The following TADA2A variants were observed in gnomAD, a reference collection of about 807,000 sequenced individuals.
TADA2A encodes the protein transcriptional adapter 2-alpha.
A neutral mutation model predicts 67.4 loss-of-function variants in TADA2A; 38 were observed. The ratio of observed to expected loss-of-function variants is 0.56; its 90% CI spans 0.44 to 0.74. TADA2A has a LOEUF of 0.74. TADA2A is among the 30% of genes least tolerant of loss of function. The pLI, the probability that TADA2A is intolerant of heterozygous loss-of-function variation, is 0.00. For missense variants in TADA2A, 454 were observed against 547.0 expected, an observed-to-expected ratio of 0.83 and a Z score of 1.70; for synonymous variants, 192 against 181.6, an observed-to-expected ratio of 1.06 and a Z score of -0.46.
intron 8 of TADA2A, among the ~76,000 whole-genome samples, chr17:37,448,422 C>T (rs777893942): frequency 1.3e-5 from 2 of 152,118 alleles, no homozygotes; most frequent in South Asian, 2.1e-4. Flanking sequence ...AAGGAAGTTC[C>T]GTGATCCCTA....
At chr17:37,455,224 C>T (rs768526111) in intron 8 of TADA2A, among the ~76,000 whole-genome samples, 21 of 151,610 alleles carry the variant, frequency 1.4e-4, no homozygotes, top group Non-Finnish European at 2.9e-4. Flanking sequence ...TTTAATGTAG[C>T]ATAGTGCCAA....
At chr17:37,437,327 G>A (rs777941576) in intron 4 of TADA2A, among the ~76,000 whole-genome samples, 7 of 151,590 alleles carry the variant, frequency 4.6e-5, no homozygotes, top group Admixed American at 6.6e-5. Flanking sequence ...TCCTGACCTC[G>A]TGATCCGCCC....
intron 6 of TADA2A, among the ~76,000 whole-genome samples, chr17:37,441,777 G>C (rs200556497): frequency 1.3e-5 from 2 of 150,888 alleles, no homozygotes; most frequent in Admixed American, 6.6e-5. Context: ...AACGATTCTC[G>C]TGCCTCAGCC....
chr17:37,443,357 G>A (rs1489049445), intron 7 of TADA2A, among the ~76,000 whole-genome samples: 8 of 151,670 alleles, frequency 5.3e-5, no homozygotes, highest in East Asian at 1.9e-4. Context: ...GGGTTCAAGC[G>A]ATTCTCCTGT....
At chr17:37,446,083 G>C (rs1354733940) in intron 8 of TADA2A, among the ~76,000 whole-genome samples, 1 of 137,480 alleles carries the variant, frequency 7.3e-6, no homozygotes, top group Non-Finnish European at 1.5e-5. Context: ...TTCTTGAGCG[G>C]TGGGTTTTTT....
At chr17:37,414,955 C>T (rs2051994966) in intron 2 of TADA2A, among the ~76,000 whole-genome samples, 1 of 151,508 alleles carries the variant, frequency 6.6e-6, no homozygotes, top group African/African-American at 2.4e-5. Context: ...TGCAGTGCCA[C>T]GATCTCAGCT....
chr17:37,462,580 C>T (rs760862229), intron 10 of TADA2A, among the ~76,000 whole-genome samples: 4 of 151,964 alleles, frequency 2.6e-5, no homozygotes, highest in South Asian at 2.1e-4. Flanking sequence ...TGCAGTGAGC[C>T]GAGATCACGC....
Position 37,478,684 on chromosome 17 carries a change from G to A in TADA2A, c.*1702G>A, listed in dbSNP as rs548306206. The A allele has an allele frequency of 3.9e-5, 6 of 152,274 alleles. No homozygotes were observed. The highest frequency in any genetic ancestry group is 4.1e-4 in the South Asian group (2 of 4,826). The allele number at this position is 152,274 out of a possible 1,614,324, so 9.4% of individuals were successfully genotyped here. On this transcript the variant is annotated 3_prime_UTR_variant, in exon 16 of 16. Coordinates refer to ENST00000615182, the MANE Select transcript of TADA2A (RefSeq NM_001166105.3). ...ATATAGAAATAACTTCGTCAGAATCGACACAAATCACATCGAATAGTTGAC... is the reference window on the plus strand; with the variant it reads ...ATATAGAAATAACTTCGTCAGAATCAACACAAATCACATCGAATAGTTGAC...
chr17:37,477,269 C>T lies in TADA2A; in HGVS notation c.*287C>T, dbSNP rs1259868887. The T allele has an allele frequency of 3.1e-6, 1 of 321,362 alleles. No homozygotes were observed. Among genetic ancestry groups the T allele is most frequent in the Admixed American group, 4.5e-5 (1 of 22,134 alleles). The allele number at this position is 321,362 out of a possible 1,614,324, so 19.9% of individuals were successfully genotyped here. ...TCTTGTAACTAAAAGAACCATAGTA[C>T]CTCACATCACAGTGCTGGTAGAAAT... On this transcript the variant is annotated 3_prime_UTR_variant, in exon 16 of 16. Transcript: ENST00000615182.
At chr17:37,422,311 T>C (rs1200251548) in intron 2 of TADA2A, among the ~76,000 whole-genome samples, 1 of 150,300 alleles carries the variant, frequency 6.7e-6, no homozygotes, top group African/African-American at 2.4e-5. Context: ...CCCAAAGTGC[T>C]GGGATTACAG....
At chr17:37,444,080 C>T (rs963831619) in intron 7 of TADA2A, among the ~76,000 whole-genome samples, 1 of 151,392 alleles carries the variant, frequency 6.6e-6, no homozygotes, top group Admixed American at 6.6e-5. Flanking sequence ...TCTTCAACAA[C>T]AACAACAAAA....
intron 2 of TADA2A, among the ~76,000 whole-genome samples, chr17:37,415,972 T>C (rs2052031338): frequency 6.6e-6 from 1 of 152,016 alleles, no homozygotes; most frequent in South Asian, 2.1e-4. Flanking sequence ...AGAAACTATA[T>C]GTCAGGGTAG....
chr17:37,436,152 A>G (rs1007668195), intron 4 of TADA2A, among the ~76,000 whole-genome samples: 1 of 152,082 alleles, frequency 6.6e-6, no homozygotes, highest in Non-Finnish European at 1.5e-5. Context: ...ATACACATAC[A>G]CTAATCTCAA....
rs115523851 is a variant in TADA2A at position 37,429,394 on chromosome 17, C to T, written c.192+2385C>T. Among the ~76,000 whole-genome samples, 858 of 152,022 alleles carry T rather than the reference C, an allele frequency of 5.6e-3. 10 individuals carry two copies. The highest frequency in any genetic ancestry group is 0.02 in the African/African-American group (811 of 41,456). ...CCTCGCTAGTGTTTGATGGACTAGTCAGAAGACAGGAATCTTAGGATGAGG... is the reference window on the plus strand; with the variant it reads ...CCTCGCTAGTGTTTGATGGACTAGTTAGAAGACAGGAATCTTAGGATGAGG... On this transcript the variant is annotated intron_variant, in intron 4 of 15. Transcript: ENST00000615182.
At chr17:37,464,997 A>G (rs762866421) in intron 10 of TADA2A, among the ~76,000 whole-genome samples, 12 of 151,934 alleles carry the variant, frequency 7.9e-5, no homozygotes, top group Non-Finnish European at 1.5e-4. Flanking sequence ...AAATTCAAAA[A>G]TTAGCTGGGT....
At chr17:37,460,248 TTTA>T (rs1185294543) in intron 9 of TADA2A, among the ~76,000 whole-genome samples, 1 of 151,226 alleles carries the variant, frequency 6.6e-6, no homozygotes, top group Non-Finnish European at 1.5e-5. Flanking sequence ...TATTTTTTAT[TTTA>T]TTATTATTAC....
chr17:37,476,277 T>G (rs920711154), intron 15 of TADA2A, among the ~76,000 whole-genome samples: 1 of 152,196 alleles, frequency 6.6e-6, no homozygotes, highest in African/African-American at 2.4e-5. Context: ...TAAAGTTACC[T>G]CCTCTTAGCA....
chr17:37,426,802 G>T, intron 3 of TADA2A, 148 bp from the exon 4 acceptor site: 1 of 621,356 alleles, frequency 1.6e-6, no homozygotes, highest in East Asian at 3.1e-5. Context: ...CTATGATGGT[G>T]CCACTGCACT....
chr17:37,449,650 C>T lies in TADA2A; in HGVS notation c.604+4882C>T, dbSNP rs563179400. ...TTTTTTTTTTTTTGAGACAGGGTCA[C>T]GCCCTGTTGCCCATGCTGGAGTGCA... is the stretch of plus-strand genomic sequence containing the variant. On this transcript the variant is annotated intron_variant, in intron 8 of 15. Coordinates refer to ENST00000615182, the MANE Select transcript of TADA2A (RefSeq NM_001166105.3). 1.3e-3 allele frequency among the ~76,000 whole-genome samples: 200 copies of T among 149,198 alleles called. 1 individual carries two copies. The highest frequency in any genetic ancestry group is 0.012 in the South Asian group (58 of 4,720).
Sources: gnomAD v4.1 joint callset for allele counts (sites outside exome capture counted in the v4.1 genomes callset) on GRCh38, gnomAD v4.1.1 for gene constraint, MANE v1.5 for transcripts, NCBI Gene and HGNC (gene_info 2026-07-23, HGNC 2026-07-21) for gene names.